Variants in PTPN14 observed in about 807,000 individuals in gnomAD.
PTPN14 encodes the protein protein tyrosine phosphatase non-receptor type 14, also known as tyrosine-protein phosphatase non-receptor type 14.
Under a neutral mutation model 126.8 loss-of-function variants are expected in PTPN14, and 53 were observed. The observed-to-expected ratio is 0.42, with a 90% CI of 0.34 to 0.53. PTPN14 has a LOEUF of 0.53. Ranked by LOEUF, PTPN14 falls within the 20% of genes least tolerant of loss-of-function variation. The probability of loss-of-function intolerance (pLI) is 0.08; values close to 1 mark genes in which losing one functional copy is unlikely to be tolerated. For missense variants in PTPN14, 1,257 were observed against 1,552.9 expected (o/e 0.81, Z 3.20); for synonymous variants, 630 against 599.3 (o/e 1.05, Z -0.75).
chr1:214,462,480 T>G (rs1218192946), intron 2 of PTPN14, among the ~76,000 whole-genome samples: 1 of 152,172 alleles, frequency 6.6e-6, no homozygotes, highest in African/African-American at 2.4e-5. Flanking sequence ...GATAATCCAG[T>G]CCCCCACACT....
At chr1:214,519,533 G>A (rs1655191052) in intron 1 of PTPN14, among the ~76,000 whole-genome samples, 1 of 152,140 alleles carries the variant, frequency 6.6e-6, no homozygotes, top group Non-Finnish European at 1.5e-5. Context: ...GACAGTTTCA[G>A]ATACTAAAGC....
chr1:214,524,087 T>C (rs1309155072), intron 1 of PTPN14, among the ~76,000 whole-genome samples: 1 of 151,868 alleles, frequency 6.6e-6, no homozygotes, highest in Non-Finnish European at 1.5e-5. Flanking sequence ...TCACCTCGGG[T>C]GATCTACCTG....
At chr1:214,509,576 G>A (rs959044530) in intron 1 of PTPN14, among the ~76,000 whole-genome samples, 7 of 152,176 alleles carry the variant, frequency 4.6e-5, no homozygotes, top group African/African-American at 1.7e-4. Context: ...CATTCATGTG[G>A]TTCACTGGAG....
intron 1 of PTPN14, chr1:214,533,184 G>T: frequency 1.4e-6 from 1 of 734,304 alleles, no homozygotes. Flanking sequence ...TGCAGATGGA[G>T]CAGCTCAACG....
chr1:214,367,469 T>C (rs1658110198), intron 17 of PTPN14, among the ~76,000 whole-genome samples: 1 of 152,216 alleles, frequency 6.6e-6, no homozygotes, highest in East Asian at 1.9e-4. Context: ...AAATCAGTAT[T>C]TTTAGGTCTT....
intron 16 of PTPN14, among the ~76,000 whole-genome samples, chr1:214,371,531 C>CTG (rs1409490678): frequency 6.6e-6 from 1 of 152,212 alleles, no homozygotes; most frequent in Non-Finnish European, 1.5e-5. Context: ...GCTATCTGCA[C>CTG]TGATTTTATC....
intron 3 of PTPN14, among the ~76,000 whole-genome samples, chr1:214,441,953 A>G (rs773814109): frequency 2.5e-4 from 38 of 152,258 alleles, no homozygotes; most frequent in Non-Finnish European, 5.1e-4. Context: ...ACAATTTGGA[A>G]TCAATGAATG....
intron 3 of PTPN14, among the ~76,000 whole-genome samples, chr1:214,419,663 G>A (rs183675782): frequency 6.6e-6 from 1 of 152,164 alleles, no homozygotes; most frequent in East Asian, 1.9e-4. Flanking sequence ...TTCTGCAAAT[G>A]GAAACGTTTC....
At position 214,383,140 on chromosome 1, in the gene PTPN14, T is replaced by A. The variant is rs72757966; in HGVS notation, c.2544+171A>T. ...GAAGCCACAAATGAGAATGGAAGAT[T>A]TATCTGAAAGGGCAAAAACTCAACA... On this transcript the variant is annotated intron_variant, in intron 13 of 18. Coordinates refer to ENST00000366956, the MANE Select transcript of PTPN14 (RefSeq NM_005401.5). The surrounding 1 kb of genome is among the most constrained non-coding windows in gnomAD (Gnocchi z 4.4). Among the ~76,000 whole-genome samples, 30,983 of 152,142 alleles carry A rather than the reference T, an allele frequency of 0.2. 3,597 individuals are homozygous for A. The highest frequency in any genetic ancestry group is 0.26 in the Non-Finnish European group (17,636 of 67,984).
intron 3 of PTPN14, among the ~76,000 whole-genome samples, chr1:214,418,735 T>C (rs534010946): frequency 6.6e-6 from 1 of 152,260 alleles, no homozygotes; most frequent in Non-Finnish European, 1.5e-5. Context: ...ATAAAAATCC[T>C]ATTACAGGAC....
chr1:214,397,836 T>C (rs1658921880), intron 8 of PTPN14, 77 bp downstream of exon 8: 2 of 1,233,118 alleles, frequency 1.6e-6, no homozygotes, highest in Non-Finnish European at 2.3e-6. Context: ...CTTAACTCAT[T>C]TGGATGTTAA....
At chr1:214,434,911 T>C (rs1659878863) in intron 3 of PTPN14, among the ~76,000 whole-genome samples, 1 of 152,226 alleles carries the variant, frequency 6.6e-6, no homozygotes, top group Admixed American at 6.5e-5. Context: ...GACTGGTTTC[T>C]TGAAAGAGGG....
chr1:214,520,675 C>T (rs145840552), intron 1 of PTPN14, among the ~76,000 whole-genome samples: 1 of 152,270 alleles, frequency 6.6e-6, no homozygotes, highest in East Asian at 1.9e-4. Context: ...ACAGGCCCCC[C>T]TCCAGTCCCC....
chr1:214,450,859 T>A (rs779389643), intron 3 of PTPN14, among the ~76,000 whole-genome samples: 10 of 152,186 alleles, frequency 6.6e-5, no homozygotes, highest in Admixed American at 2.0e-4. Context: ...TCCCTCACTT[T>A]ACAGATGAGA....
At chr1:214,425,171 A>G (rs1445061238) in intron 3 of PTPN14, among the ~76,000 whole-genome samples, 1 of 152,150 alleles carries the variant, frequency 6.6e-6, no homozygotes, top group Non-Finnish European at 1.5e-5. Context: ...TCTCTATTCT[A>G]CAATTCACAG....
At chr1:214,455,292 A>C (rs4072973) in intron 2 of PTPN14, among the ~76,000 whole-genome samples, 57,819 of 152,154 alleles carry the variant, frequency 0.38, 11,285 homozygotes, top group East Asian at 0.53. Flanking sequence ...TTGAAAGCTG[A>C]GCTTAGCTGC....
chr1:214,445,156 A>G (rs1660114198), intron 3 of PTPN14, among the ~76,000 whole-genome samples: 1 of 152,212 alleles, frequency 6.6e-6, no homozygotes. Context: ...ACTTTGGAAG[A>G]ACTGGGAGAT....
chr1:214,366,965 CAG>C (rs1426503753), intron 17 of PTPN14, among the ~76,000 whole-genome samples: 1 of 134,648 alleles, frequency 7.4e-6, no homozygotes, highest in Non-Finnish European at 1.5e-5. Flanking sequence ...GCCTGGGTGA[CAG>C]AGTGAGACTC....
At chr1:214,476,409 G>T (rs1397752308) in intron 1 of PTPN14, among the ~76,000 whole-genome samples, 2 of 152,322 alleles carry the variant, frequency 1.3e-5, no homozygotes, top group African/African-American at 4.8e-5. Flanking sequence ...GACAGAAGTA[G>T]CCAAGAAAGA....
Sources: allele counts gnomAD v4.1 joint callset (sites outside exome capture counted in the v4.1 genomes callset), GRCh38; gene constraint gnomAD v4.1.1; non-coding constraint Gnocchi (gnomAD v3.1); transcripts MANE v1.5; gene names NCBI Gene and HGNC (gene_info 2026-07-23, HGNC 2026-07-21).